MAP2K5: variants seen among roughly 807,000 people sequenced by gnomAD.
The protein encoded by MAP2K5 is dual specificity mitogen-activated protein kinase kinase 5.
Under a neutral mutation model 83.1 loss-of-function variants are expected in MAP2K5, and 49 were observed. That is an observed-to-expected ratio of 0.59 (90% CI 0.47 to 0.75). MAP2K5 has a LOEUF of 0.75. MAP2K5 is among the 30% of genes least tolerant of loss of function. The pLI is 0.00. For synonymous variants in MAP2K5, 202 were observed against 191.8 expected (o/e 1.05, Z -0.44); for missense variants, 457 against 557.5 (o/e 0.82, Z 1.82).
intron 21 of MAP2K5, among the ~76,000 whole-genome samples, chr15:67,791,911 A>G (rs2090524622): frequency 6.6e-6 from 1 of 152,208 alleles, no homozygotes; most frequent in African/African-American, 2.4e-5. Context: ...TCCCCTCACC[A>G]CCAGGGAGAA....
intron 16 of MAP2K5, among the ~76,000 whole-genome samples, chr15:67,718,692 AG>A (rs1447273444): frequency 6.6e-6 from 1 of 152,154 alleles, no homozygotes; most frequent in Non-Finnish European, 1.5e-5. Context: ...TGAACCTGAG[AG>A]GTGGAGGTTG....
intron 11 of MAP2K5, among the ~76,000 whole-genome samples, chr15:67,647,538 G>A (rs1231474607): frequency 6.6e-6 from 1 of 151,926 alleles, no homozygotes; most frequent in East Asian, 1.9e-4. Flanking sequence ...CTTGAGCCCA[G>A]GAGTTTGAGA....
At chr15:67,548,944 C>A in intron 1 of MAP2K5, 4 of 1,069,574 alleles carry the variant, frequency 3.7e-6, no homozygotes, top group Non-Finnish European at 5.1e-6. Context: ...AGAGGCAAGA[C>A]TATTATGCAA....
chr15:67,547,684 T>C (rs942149887), intron 1 of MAP2K5, among the ~76,000 whole-genome samples: 1 of 152,172 alleles, frequency 6.6e-6, no homozygotes, highest in African/African-American at 2.4e-5. Context: ...CTTGAACTCC[T>C]GACCTCAAGT....
rs2090350492 is a variant in MAP2K5, at chr15:67,782,804, C to G, written c.1242+10052C>G. On this transcript the variant is annotated intron_variant, in intron 21 of 21. Transcript: ENST00000178640. This position sits in a 1 kb window ranked among gnomAD's most constrained non-coding sequence, Gnocchi z 4.9. ...CTGGTTTATGCAGGGCCTGTGGCAC[C>G]AGCTCTGGACTGGAAAGTCCCTTCT... 6.6e-6 allele frequency among the ~76,000 whole-genome samples: 1 copy of G among 152,180 alleles called. No homozygotes were observed. The highest frequency in any genetic ancestry group is 2.4e-5 in the African/African-American group (1 of 41,436).
rs143351884 is a variant in MAP2K5 at position 67,596,159 on chromosome 15, C to T, written c.480+3185C>T. Among the ~76,000 whole-genome samples, 711 of 152,146 alleles carry T rather than the reference C, an allele frequency of 4.7e-3. 6 individuals carry two copies. Among genetic ancestry groups the T allele is most frequent in the African/African-American group, 0.016 (684 of 41,498 alleles). Reference sequence around the variant, plus strand: ...GAAAAACTTTTTGTATTTGGCTGGGCGTGGTGGCTCATGCCTGTAATCCCA... The same window carrying T: ...GAAAAACTTTTTGTATTTGGCTGGGTGTGGTGGCTCATGCCTGTAATCCCA... On this transcript the variant is annotated intron_variant, in intron 7 of 21. Transcript: ENST00000178640.
chr15:67,663,169 T>G (rs1482929033), intron 12 of MAP2K5, among the ~76,000 whole-genome samples: 3 of 152,208 alleles, frequency 2.0e-5, no homozygotes, highest in Non-Finnish European at 4.4e-5. Context: ...AACAAACACA[T>G]TATCTTACAT....
In MAP2K5 at chr15:67,693,582, T is replaced by G. The variant is rs141265002; in HGVS notation, c.972+14T>G. 89 of 1,601,342 alleles carry G rather than the reference T, an allele frequency of 5.6e-5. No homozygotes were observed. Among genetic ancestry groups the G allele is most frequent in the Middle Eastern group, 1.7e-4 (1 of 5,734 alleles). ...GCTTATATGGCGGTAAGTAAACTTATGCAAAAATAATGTTTAAAACCAACA... is the reference window on the plus strand; with the variant it reads ...GCTTATATGGCGGTAAGTAAACTTAGGCAAAAATAATGTTTAAAACCAACA... On this transcript the variant is annotated intron_variant, in intron 15 of 21. Coordinates refer to ENST00000178640, the MANE Select transcript of MAP2K5 (RefSeq NM_145160.3).
chr15:67,659,762 A>G (rs1363979960), intron 12 of MAP2K5, among the ~76,000 whole-genome samples: 1 of 152,154 alleles, frequency 6.6e-6, no homozygotes, highest in Non-Finnish European at 1.5e-5. Flanking sequence ...AAAGTATACA[A>G]CTTCTATATA....
At chr15:67,592,875 T>C (rs1319163712) in intron 6 of MAP2K5, 51 bp from the exon 7 acceptor site, 5 of 1,219,806 alleles carry the variant, frequency 4.1e-6, no homozygotes, top group Non-Finnish European at 4.8e-6. Flanking sequence ...TTTTCAGTGG[T>C]GTTCAGAGGT....
chr15:67,721,690 T>C (rs2088963086), intron 16 of MAP2K5, among the ~76,000 whole-genome samples: 1 of 152,200 alleles, frequency 6.6e-6, no homozygotes, highest in Non-Finnish European at 1.5e-5. Flanking sequence ...GCCATAATTC[T>C]GTTTGCGCTG....
chr15:67,613,789 CGG>C (rs1381822402), intron 8 of MAP2K5, among the ~76,000 whole-genome samples: 1 of 151,420 alleles, frequency 6.6e-6, no homozygotes. Context: ...TTAATGGAAA[CGG>C]GTTAATATTT....
chr15:67,550,284 T>TGAGC (rs2084482222), intron 2 of MAP2K5, among the ~76,000 whole-genome samples: 1 of 152,246 alleles, frequency 6.6e-6, no homozygotes, highest in Non-Finnish European at 1.5e-5. Flanking sequence ...ATATCTTGGG[T>TGAGC]GAGCATATTT....
At chr15:67,590,247 T>C (rs935646651) in intron 6 of MAP2K5, among the ~76,000 whole-genome samples, 10 of 152,106 alleles carry the variant, frequency 6.6e-5, no homozygotes, top group Non-Finnish European at 1.5e-4. Context: ...AGAAGAGTAA[T>C]TATAACTTGA....
chr15:67,748,723 C>A lies in MAP2K5; in HGVS notation c.1134+122C>A. 2.3e-6 allele frequency: 2 copies of A among 877,424 alleles called. No homozygotes were observed. The highest frequency in any genetic ancestry group is 3.6e-6 in the Non-Finnish European group (2 of 549,568). The allele number at this position is 877,424 out of a possible 1,614,324, so 54.4% of individuals were successfully genotyped here. On this transcript the variant is annotated intron_variant, in intron 19 of 21. Coordinates refer to ENST00000178640, the MANE Select transcript of MAP2K5 (RefSeq NM_145160.3). The surrounding 1 kb of genome is among the most constrained non-coding windows in gnomAD (Gnocchi z 4.0). ...CCTTGGAGCAAGTTGTGTTGTATGGCTCTGAGCTATGTTACGTGAACTGGC... is the reference window on the plus strand; with the variant it reads ...CCTTGGAGCAAGTTGTGTTGTATGGATCTGAGCTATGTTACGTGAACTGGC...
At chr15:67,618,350 T>A (rs4776947) in intron 8 of MAP2K5, among the ~76,000 whole-genome samples, 3 of 151,886 alleles carry the variant, frequency 2.0e-5, no homozygotes, top group Non-Finnish European at 4.4e-5. Flanking sequence ...TGTTTTCTTC[T>A]CATCTTTCTG....
chr15:67,745,035 A>G (rs1231351719), intron 17 of MAP2K5, among the ~76,000 whole-genome samples: 1 of 152,178 alleles, frequency 6.6e-6, no homozygotes, highest in African/African-American at 2.4e-5. Flanking sequence ...TGAAAGAAAA[A>G]AAAAAATCTA....
chr15:67,802,717 G>A lies in MAP2K5; in HGVS notation c.1243-3929G>A, dbSNP rs889845309. The stretch of plus-strand genomic sequence containing the variant: ...GGCCTAGATGCCTGGGGCGGTCACC[G>A]TGGGTGGAAGATGCTCTTGACAAGC... On this transcript the variant is annotated intron_variant, in intron 21 of 21. Coordinates refer to ENST00000178640, the MANE Select transcript of MAP2K5 (RefSeq NM_145160.3). This position sits in a 1 kb window ranked among gnomAD's most constrained non-coding sequence, Gnocchi z 5.0. Among the ~76,000 whole-genome samples, 28 of 152,244 alleles carry A rather than the reference G, an allele frequency of 1.8e-4. No individual in the cohort carries two copies. Among genetic ancestry groups the A allele is most frequent in the Admixed American group, 2.6e-4 (4 of 15,292 alleles).
chr15:67,658,819 C>A, intron 12 of MAP2K5: 1 of 610,208 alleles, frequency 1.6e-6, no homozygotes, highest in Non-Finnish European at 3.1e-6. Flanking sequence ...TGTGCTCCAA[C>A]CTGTTCTAGT....
Sources: gnomAD v4.1 joint callset for allele counts (sites outside exome capture counted in the v4.1 genomes callset) on GRCh38, gnomAD v4.1.1 for gene constraint, Gnocchi (gnomAD v3.1) non-coding constraint, MANE v1.5 for transcripts, NCBI Gene and HGNC (gene_info 2026-07-23, HGNC 2026-07-21) for gene names.